EGFR: variants seen among roughly 807,000 people sequenced by gnomAD.
EGFR encodes the protein epidermal growth factor receptor.
EGFR carries 58 observed loss-of-function variants against 143.0 expected under a neutral mutation model. That is an observed-to-expected ratio of 0.41 (90% confidence interval 0.33 to 0.50). The LOEUF is 0.50. Among genes scored for constraint, EGFR ranks in the 20% least tolerant of loss-of-function variants. The pLI is 0.39. For missense variants in EGFR, 1,307 were observed against 1,579.0 expected, an observed-to-expected ratio of 0.83 and a Z score of 2.92; for synonymous variants, 613 against 594.4, an observed-to-expected ratio of 1.03 and a Z score of -0.45.
At chr7:55,150,108 G>A (rs1584161260) in intron 4 of EGFR, among the ~76,000 whole-genome samples, 1 of 152,266 alleles carries the variant, frequency 6.6e-6, no homozygotes, top group East Asian at 1.9e-4. Flanking sequence ...ATTGGCAAAT[G>A]TTTCCCGTTA....
At chr7:55,204,167 A>G (rs1169646372) in intron 27 of EGFR, among the ~76,000 whole-genome samples, 3 of 151,094 alleles carry the variant, frequency 2.0e-5, no homozygotes, top group Non-Finnish European at 3.0e-5. Flanking sequence ...ACACACACAC[A>G]TACACACAGA....
chr7:55,151,149 T>C (rs1362388196), intron 4 of EGFR, 145 bp from the exon 5 acceptor site: 4 of 835,450 alleles, frequency 4.8e-6, no homozygotes, highest in Non-Finnish European at 6.0e-6. Flanking sequence ...CAAGTGATTC[T>C]ACAAACCAGC....
intron 1 of EGFR, among the ~76,000 whole-genome samples, chr7:55,140,865 G>A (rs908691587): frequency 2.0e-5 from 3 of 152,334 alleles, no homozygotes; most frequent in African/African-American, 7.2e-5. Flanking sequence ...AGGATGTGAA[G>A]ATTGCTTCAT....
chr7:55,124,718 A>G (rs1793419927), intron 1 of EGFR, among the ~76,000 whole-genome samples: 1 of 152,170 alleles, frequency 6.6e-6, no homozygotes, highest in Non-Finnish European at 1.5e-5. Flanking sequence ...GAAAGACCAG[A>G]CACTATCTCA....
intron 1 of EGFR, among the ~76,000 whole-genome samples, chr7:55,049,581 C>A (rs1192046020): frequency 6.6e-6 from 1 of 152,028 alleles, no homozygotes; most frequent in Non-Finnish European, 1.5e-5. Context: ...TTGCTGTCTT[C>A]TCTCCTCCTC....
intron 13 of EGFR, among the ~76,000 whole-genome samples, chr7:55,161,915 A>T (rs41462945): frequency 6.6e-6 from 1 of 152,362 alleles, no homozygotes; most frequent in Non-Finnish European, 1.5e-5. Context: ...CTAAGCTACA[A>T]AAAGTTCCTA....
intron 1 of EGFR, among the ~76,000 whole-genome samples, chr7:55,076,730 G>T (rs562090908): frequency 6.6e-6 from 1 of 152,220 alleles, no homozygotes; most frequent in East Asian, 1.9e-4. Context: ...AACTTCATTA[G>T]TAGAGCACAT....
At chr7:55,094,214 A>T (rs1791302254) in intron 1 of EGFR, among the ~76,000 whole-genome samples, 1 of 152,228 alleles carries the variant, frequency 6.6e-6, no homozygotes, top group East Asian at 1.9e-4. Context: ...GATGAGGAGA[A>T]AAATGAATTG....
chr7:55,176,704 C>A (rs948153796), intron 19 of EGFR, among the ~76,000 whole-genome samples: 3 of 150,908 alleles, frequency 2.0e-5, no homozygotes, highest in African/African-American at 7.3e-5. Context: ...CAAAGCAAGA[C>A]CCTGCTCAAA....
intron 1 of EGFR, among the ~76,000 whole-genome samples, chr7:55,065,127 G>T (rs143624993): frequency 1.3e-5 from 2 of 152,306 alleles, no homozygotes; most frequent in Admixed American, 1.3e-4. Context: ...ATGATTGCTC[G>T]CTTAATACTG....
Position 55,156,049 on chromosome 7 carries a change from A to G in EGFR, c.1006+103A>G. 3.6e-6 allele frequency: 3 copies of G among 825,308 alleles called. No individual in the cohort carries two copies. The South Asian group carries it at 4.3e-5, about 12-fold the overall frequency. The allele number at this position is 825,308 out of a possible 1,614,324, so 51.1% of individuals were successfully genotyped here. A position where few individuals can be genotyped will look rare whatever the true frequency, so the allele number is the denominator to read the frequency against. Reference sequence around the variant, plus strand: ...CACATCTTCCTCTTCTCATTAAAAAACAACTATACATATCGTTTCTTTAAA... The same window carrying G: ...CACATCTTCCTCTTCTCATTAAAAAGCAACTATACATATCGTTTCTTTAAA... On this transcript the variant is annotated intron_variant, in intron 8 of 27. Transcript: ENST00000275493.
At chr7:55,048,066 T>G (rs542356766) in intron 1 of EGFR, among the ~76,000 whole-genome samples, 25 of 152,316 alleles carry the variant, frequency 1.6e-4, no homozygotes, top group African/African-American at 5.8e-4. Flanking sequence ...CTCAAATATA[T>G]TAGTGCACTA....
chr7:55,103,145 A>C (rs1192608137), intron 1 of EGFR, among the ~76,000 whole-genome samples: 2 of 152,142 alleles, frequency 1.3e-5, no homozygotes, highest in Non-Finnish European at 2.9e-5. Flanking sequence ...CTTCCTCAGG[A>C]GGGTGAGCTG....
rs1481781212 is a variant in EGFR, at chr7:55,204,613, CACACACACCACAG to C, written c.3272-630_3272-618del. Among the ~76,000 whole-genome samples the C allele has an allele frequency of 4.1e-4, 58 of 141,400 alleles. No homozygotes were observed. The East Asian group carries it at 0.011, about 27-fold the overall frequency. The allele number at this position is 141,400 out of a possible 152,430, so 92.8% of individuals were successfully genotyped here. A position where few individuals can be genotyped will look rare whatever the true frequency, so the allele number is the denominator to read the frequency against. On this transcript the variant is annotated intron_variant, in intron 27 of 27. Coordinates refer to ENST00000275493, the MANE Select transcript of EGFR (RefSeq NM_005228.5). ...CACATACACACACGTACACACACCA[CACACACACCACAG>C]ACACACACCACACATACATACACAT... is the stretch of plus-strand genomic sequence containing the variant.
intron 1 of EGFR, among the ~76,000 whole-genome samples, chr7:55,105,763 G>A (rs1172016697): frequency 1.3e-5 from 2 of 152,112 alleles, no homozygotes; most frequent in African/African-American, 4.8e-5. Flanking sequence ...TCATCCTAAA[G>A]ATTATTTATA....
intron 1 of EGFR, among the ~76,000 whole-genome samples, chr7:55,036,269 T>TGGGGG (rs1562656982): frequency 5.9e-5 from 1 of 16,830 alleles, no homozygotes; most frequent in Non-Finnish European, 1.7e-4. Flanking sequence ...TTTGTGTGTG[T>TGGGGG]GTGGGGGGGG....
intron 1 of EGFR, among the ~76,000 whole-genome samples, chr7:55,027,989 AAAATAT>A (rs1373340638): frequency 2.4e-3 from 178 of 73,982 alleles, no homozygotes; most frequent in Non-Finnish European, 3.3e-3. Context: ...AAAAAAAAAA[AAAATAT>A]ATATATATAT....
At chr7:55,201,031 G>C (rs1024174652) in intron 24 of EGFR, among the ~76,000 whole-genome samples, 157 bp from the exon 25 acceptor site, 9 of 152,106 alleles carry the variant, frequency 5.9e-5, no homozygotes, top group African/African-American at 2.2e-4. Context: ...TGTCATGAGG[G>C]GAGGCAGCTA....
At chr7:55,192,697 G>T (rs768388573) in intron 21 of EGFR, 69 bp from the exon 22 acceptor site, 1 of 1,428,662 alleles carries the variant, frequency 7.0e-7, no homozygotes, top group Admixed American at 1.7e-5. Context: ...TAGGTCCAGA[G>T]TGAGTTAACT....
Sources: gnomAD v4.1 joint callset for allele counts (sites outside exome capture counted in the v4.1 genomes callset) on GRCh38, gnomAD v4.1.1 for gene constraint, MANE v1.5 for transcripts, NCBI Gene and HGNC (gene_info 2026-07-23, HGNC 2026-07-21) for gene names.